The following BTNL8 variants were observed in gnomAD, a reference collection of about 807,000 sequenced individuals.
The protein encoded by BTNL8 is butyrophilin-like protein 8.
Under a neutral mutation model 36.1 loss-of-function variants are expected in BTNL8, and 22 were observed. That is an observed-to-expected ratio of 0.61 (90% confidence interval 0.44 to 0.87). BTNL8 has a LOEUF of 0.87. Ranked by LOEUF, BTNL8 falls within the 40% of genes least tolerant of loss-of-function variation. The probability of loss-of-function intolerance (pLI) is 0.00; values close to 1 mark genes in which losing one functional copy is unlikely to be tolerated. For synonymous variants in BTNL8, 203 were observed against 235.6 expected, an observed-to-expected ratio of 0.86 and a Z score of 1.27; for missense variants, 526 against 616.9, an observed-to-expected ratio of 0.85 and a Z score of 1.56.
At chr5:180,910,150 C>A (rs1437988869) in intron 2 of BTNL8, among the ~76,000 whole-genome samples, 2 of 151,930 alleles carry the variant, frequency 1.3e-5, no homozygotes, top group Non-Finnish European at 2.9e-5. Context: ...AATCTCAGGC[C>A]TTGGGCAGGA....
At chr5:180,909,151 A>G (rs1450799603) in intron 2 of BTNL8, among the ~76,000 whole-genome samples, 1 of 152,138 alleles carries the variant, frequency 6.6e-6, no homozygotes, top group Non-Finnish European at 1.5e-5. Context: ...GAACTACCCC[A>G]TCATCACGAA....
At chr5:180,946,241 C>G (rs1759239180) in intron 3 of BTNL8, among the ~76,000 whole-genome samples, 1 of 152,118 alleles carries the variant, frequency 6.6e-6, no homozygotes, top group African/African-American at 2.4e-5. Flanking sequence ...TCTTAAAAAA[C>G]TAAGAATAGA....
chr5:180,924,651 TTAAA>T (rs1758017451), intron 3 of BTNL8, among the ~76,000 whole-genome samples: 1 of 152,196 alleles, frequency 6.6e-6, no homozygotes, highest in South Asian at 2.1e-4. Flanking sequence ...CCAGGCTATA[TTAAA>T]TAGTGAAGAC....
In BTNL8 at chr5:180,949,488, A is replaced by AT. The variant is rs1663354084; in HGVS notation, c.862+223_862+224insT. On this transcript the variant is annotated intron_variant, in intron 7 of 7. Coordinates refer to ENST00000340184, the MANE Select transcript of BTNL8 (RefSeq NM_001040462.3). ...AAGACAGGGGCTGGGTAAACGGGAG[A>AT]CGGGGGGGTCTTTGGCACAGTTTCA... 1.3e-5 allele frequency: 9 copies of AT among 695,050 alleles called. 2 individuals are homozygous for AT. The highest frequency in any genetic ancestry group is 1.8e-5 in the South Asian group (1 of 55,002). 43.1% of individuals were successfully genotyped at this position (695,050 alleles called of 1,614,324 possible). A position where few individuals can be genotyped will look rare whatever the true frequency, so the allele number is the denominator to read the frequency against.
rs759534901 is a variant in BTNL8, at chr5:180,947,496, T to C, written c.674-16T>C. On this transcript the variant is annotated splice_polypyrimidine_tract_variant and intron_variant, in intron 3 of 7. Coordinates refer to ENST00000340184, the MANE Select transcript of BTNL8 (RefSeq NM_001040462.3). ...TGTTCACCAATAACTAAAATGTCTG[T>C]GGGATTGTTTTTCAGATACCTTTTT... is the stretch of plus-strand genomic sequence containing the variant. The C allele has an allele frequency of 6.2e-7, 1 of 1,611,206 alleles. No homozygotes were observed. Among genetic ancestry groups the C allele is most frequent in the Non-Finnish European group, 8.5e-7 (1 of 1,177,456 alleles).
At chr5:180,942,345 T>A (rs544688060) in intron 3 of BTNL8, among the ~76,000 whole-genome samples, 4 of 152,142 alleles carry the variant, frequency 2.6e-5, no homozygotes, top group African/African-American at 7.2e-5. Context: ...AGAATTAAGA[T>A]TGGTAAAATG....
At chr5:180,914,271 A>G (rs1028301785) in intron 3 of BTNL8, among the ~76,000 whole-genome samples, 31 of 152,218 alleles carry the variant, frequency 2.0e-4, no homozygotes, top group Non-Finnish European at 7.3e-5. Flanking sequence ...TGAGGGACAC[A>G]GTGTTCATCG....
intron 1 of BTNL8, among the ~76,000 whole-genome samples, chr5:180,901,916 T>G (rs1208517884): frequency 6.6e-6 from 1 of 152,214 alleles, no homozygotes; most frequent in Non-Finnish European, 1.5e-5. Context: ...TGCAAAATCT[T>G]GTTTCAGTGT....
In BTNL8 at chr5:180,949,190, T is replaced by G. The variant is rs1759424903; in HGVS notation, c.836-49T>G. The G allele has an allele frequency of 6.2e-6, 9 of 1,444,618 alleles. 3 individuals carry two copies. The highest frequency in any genetic ancestry group is 4.9e-5 in the East Asian group (2 of 40,542). 89.5% of individuals were successfully genotyped at this position (1,444,618 alleles called of 1,614,324 possible). A position where few individuals can be genotyped will look rare whatever the true frequency, so the allele number is the denominator to read the frequency against. The stretch of plus-strand genomic sequence containing the variant: ...TGGTCTTTCCCTTCTCCCTGCGCCC[T>G]GTTTCCCACGTGAGCACTGAACTGC... On this transcript the variant is annotated intron_variant, in intron 6 of 7. Transcript: ENST00000340184.
In BTNL8 at chr5:180,947,631, C is replaced by CGA. The variant is rs1277548445; in HGVS notation, c.787+15_787+16dup. On this transcript the variant is annotated splice_region_variant and intron_variant, in intron 4 of 7. Transcript: ENST00000340184. ...TTTCTTCTCCAAATTCCAGTGTAAG[C>CGA]GAGAGAGAGAAGCATGGGCCGGTGC... The CGA allele has an allele frequency of 1.2e-6, 2 of 1,614,084 alleles. No individual in the cohort carries two copies. Among genetic ancestry groups the CGA allele is most frequent in the Non-Finnish European group, 1.7e-6 (2 of 1,180,008 alleles).
At chr5:180,914,089 G>A (rs1211630456) in intron 3 of BTNL8, among the ~76,000 whole-genome samples, 1 of 152,204 alleles carries the variant, frequency 6.6e-6, no homozygotes, top group Non-Finnish European at 1.5e-5. Context: ...TGGTTTTAGT[G>A]TTGTGTCTTC....
intron 3 of BTNL8, among the ~76,000 whole-genome samples, chr5:180,927,619 GTTTA>G (rs1413684516): frequency 3.3e-5 from 5 of 152,156 alleles, no homozygotes; most frequent in Non-Finnish European, 7.3e-5. Context: ...AGAATAACCA[GTTTA>G]GAGAAGAAGA....
At chr5:180,923,423 A>G (rs1014669490) in intron 3 of BTNL8, among the ~76,000 whole-genome samples, 44 of 152,318 alleles carry the variant, frequency 2.9e-4, no homozygotes, top group African/African-American at 9.4e-4. Flanking sequence ...TAAAACATAT[A>G]TAAGTTTCAA....
rs1281454934 is a variant in BTNL8, at chr5:180,941,914, T to TTTTTTTTTTTTTTTTTTTTTTTTG, written c.674-5598_674-5597insTTTTTTTTTTTTTTTTTTTTTTTG. On this transcript the variant is annotated intron_variant, in intron 3 of 7. Coordinates refer to ENST00000340184, the MANE Select transcript of BTNL8 (RefSeq NM_001040462.3). ...CAAGGATGCCCACTTTTACTACTCT[T>TTTTTTTTTTTTTTTTTTTTTTTTG]ATTCAACAAAGTACTGGAAGTCCTA... Among the ~76,000 whole-genome samples, 167 of 150,892 alleles carry TTTTTTTTTTTTTTTTTTTTTTTTG rather than the reference T, an allele frequency of 1.1e-3. 1 individual carries two copies. The highest frequency in any genetic ancestry group is 2.2e-3 in the African/African-American group (89 of 40,842).
In BTNL8 at chr5:180,922,987, G is replaced by T. The variant is rs74477072; in HGVS notation, c.673+11373G>T. Among the ~76,000 whole-genome samples the T allele has an allele frequency of 9.9e-4, 151 of 152,108 alleles. 1 individual carries two copies. The East Asian group carries it at 0.024, about 24-fold the overall frequency. On this transcript the variant is annotated intron_variant, in intron 3 of 7. Transcript: ENST00000340184. ...TTATTGTTGGTTTAAAGTCTGTTTTGTCTCAAATTATAATTGCAACTCCTG... is the reference window on the plus strand; with the variant it reads ...TTATTGTTGGTTTAAAGTCTGTTTTTTCTCAAATTATAATTGCAACTCCTG...
chr5:180,928,995 A>G (rs188738905), intron 3 of BTNL8, among the ~76,000 whole-genome samples: 1 of 152,304 alleles, frequency 6.6e-6, no homozygotes, highest in Non-Finnish European at 1.5e-5. Flanking sequence ...CTCCACCCCA[A>G]ATCAACATAA....
chr5:180,920,438 A>G (rs1159837015), intron 3 of BTNL8, among the ~76,000 whole-genome samples: 1 of 152,138 alleles, frequency 6.6e-6, no homozygotes, highest in Non-Finnish European at 1.5e-5. Flanking sequence ...ACACACAAAA[A>G]TCAATTCAAA....
intron 3 of BTNL8, among the ~76,000 whole-genome samples, chr5:180,924,647 T>A (rs150606266): frequency 6.6e-6 from 1 of 152,306 alleles, no homozygotes; most frequent in East Asian, 1.9e-4. Flanking sequence ...AATCCCAGGC[T>A]ATATTAAATA....
rs889692378 is a variant in BTNL8, at chr5:180,949,158, C to T, written c.836-81C>T. 11 of 1,417,316 alleles carry T rather than the reference C, an allele frequency of 7.8e-6. 3 individuals are homozygous for T. The highest frequency in any genetic ancestry group is 2.0e-4 in the Middle Eastern group (1 of 4,948). The allele number at this position is 1,417,316 out of a possible 1,614,324, so 87.8% of individuals were successfully genotyped here. A position where few individuals can be genotyped will look rare whatever the true frequency, so the allele number is the denominator to read the frequency against. ...GGTCCACAACACTCAAAAAGGGTCC[C>T]AATCCTTGGTCTTTCCCTTCTCCCT... On this transcript the variant is annotated intron_variant, in intron 6 of 7. Coordinates refer to ENST00000340184, the MANE Select transcript of BTNL8 (RefSeq NM_001040462.3).
Sources: allele counts gnomAD v4.1 joint callset (sites outside exome capture counted in the v4.1 genomes callset), GRCh38; gene constraint gnomAD v4.1.1; transcripts MANE v1.5; gene names NCBI Gene and HGNC (gene_info 2026-07-23, HGNC 2026-07-21).